The following FARS2 variants were observed in gnomAD, a reference collection of about 807,000 sequenced individuals.
The protein encoded by FARS2 is phenylalanyl-tRNA synthetase 2, mitochondrial.
Under a neutral mutation model 46.4 loss-of-function variants are expected in FARS2, and 40 were observed. The ratio of observed to expected loss-of-function variants is 0.86; its 90% CI spans 0.67 to 1.12. The LOEUF is 1.12. FARS2 is among the 50% of genes most tolerant of loss of function. The pLI, the probability that FARS2 is intolerant of heterozygous loss-of-function variation, is 0.00. For synonymous variants in FARS2, 234 were observed against 214.9 expected (o/e 1.09, Z -0.78); for missense variants, 513 against 567.9 (o/e 0.90, Z 0.98).
intron 1 of FARS2, among the ~76,000 whole-genome samples, chr6:5,318,521 T>G (rs1769725615): frequency 2.0e-5 from 3 of 152,094 alleles, no homozygotes; most frequent in Admixed American, 2.0e-4. Context: ...TCTCACTATG[T>G]TACCAGCTGA....
intron 6 of FARS2, chr6:5,665,058 GT>G (rs1424607106): frequency 1.3e-5 from 2 of 152,226 alleles, no homozygotes; most frequent in Non-Finnish European, 2.9e-5. Flanking sequence ...GTTATCAAAG[GT>G]TGATTTCAGC....
At chr6:5,353,252 A>G (rs1464301434) in intron 1 of FARS2, among the ~76,000 whole-genome samples, 2 of 152,234 alleles carry the variant, frequency 1.3e-5, no homozygotes, top group African/African-American at 4.8e-5. Context: ...TTATGGCTGA[A>G]TAGTATTTCA....
At chr6:5,506,607 C>T (rs151191800) in intron 4 of FARS2, among the ~76,000 whole-genome samples, 29 of 152,274 alleles carry the variant, frequency 1.9e-4, no homozygotes, top group African/African-American at 7.0e-4. Context: ...AGATTCCAGA[C>T]GGGTATCACT....
rs375968832 is a variant in FARS2, at chr6:5,374,958, C to T, written c.612+5776C>T. 3.7e-4 allele frequency among the ~76,000 whole-genome samples: 56 copies of T among 152,072 alleles called. No homozygotes were observed. In the South Asian group the frequency reaches 9.1e-3, roughly 25 times the overall value. ...CTTCCTTGACTTTACAAATGAAATC[C>T]ATGAAGCTCTTACAGCAAACATAAT... On this transcript the variant is annotated intron_variant, in intron 2 of 6. Transcript: ENST00000274680.
intron 4 of FARS2, among the ~76,000 whole-genome samples, chr6:5,539,000 C>T (rs903380074): frequency 2.0e-5 from 3 of 151,956 alleles, no homozygotes; most frequent in African/African-American, 7.3e-5. Flanking sequence ...TTTTATGTGC[C>T]CGCGGGAATG....
At chr6:5,256,618 G>T (rs1167425669), upstream of FARS2, among the ~76,000 whole-genome samples, 1 of 147,652 alleles carries the variant, frequency 6.8e-6, no homozygotes, top group Non-Finnish European at 1.5e-5. Flanking sequence ...TAAAGAAACT[G>T]CAGAACAGAG....
intron 6 of FARS2, among the ~76,000 whole-genome samples, chr6:5,689,909 ATAGT>A (rs1372987954): frequency 1.3e-5 from 2 of 152,070 alleles, no homozygotes; most frequent in Non-Finnish European, 2.9e-5. Context: ...TATATTTAGG[ATAGT>A]TAGCTCTTCT....
intron 1 of FARS2, among the ~76,000 whole-genome samples, chr6:5,298,766 T>C (rs1768072444): frequency 6.7e-6 from 1 of 150,120 alleles, no homozygotes; most frequent in Non-Finnish European, 1.5e-5. Flanking sequence ...AGATTTTTAC[T>C]GTCAAAAAAT....
intron 4 of FARS2, among the ~76,000 whole-genome samples, chr6:5,500,028 C>A (rs1267747607): frequency 6.6e-6 from 1 of 152,148 alleles, no homozygotes; most frequent in East Asian, 1.9e-4. Flanking sequence ...GCTGAGGTAG[C>A]AATTCTAGGG....
chr6:5,328,517 C>T (rs1770559436), intron 1 of FARS2, among the ~76,000 whole-genome samples: 1 of 152,200 alleles, frequency 6.6e-6, no homozygotes, highest in South Asian at 2.1e-4. Context: ...CTCTGTGCCC[C>T]TGAGCTCCCA....
intron 2 of FARS2, among the ~76,000 whole-genome samples, chr6:5,372,143 A>AC (rs1759100343): frequency 6.6e-6 from 1 of 152,158 alleles, no homozygotes; most frequent in African/African-American, 2.4e-5. Flanking sequence ...TAGGCTTAGT[A>AC]CATAAAGCAA....
At chr6:5,464,654 C>T (rs554425914) in intron 4 of FARS2, among the ~76,000 whole-genome samples, 38 of 152,242 alleles carry the variant, frequency 2.5e-4, no homozygotes, top group Non-Finnish European at 3.4e-4. Flanking sequence ...TTTATAAGCT[C>T]GTATAGTACT....
intron 4 of FARS2, among the ~76,000 whole-genome samples, chr6:5,534,568 A>G (rs1770068144): frequency 6.6e-6 from 1 of 152,176 alleles, no homozygotes; most frequent in Non-Finnish European, 1.5e-5. Flanking sequence ...AGGTTCATCC[A>G]TGCTGTAGCA....
intron 4 of FARS2, among the ~76,000 whole-genome samples, chr6:5,469,830 G>A (rs1196982225): frequency 6.6e-6 from 1 of 152,132 alleles, no homozygotes; most frequent in Non-Finnish European, 1.5e-5. Context: ...TAGTTTAATG[G>A]CTTACTTTGT....
At position 5,370,357 on chromosome 6, in the gene FARS2, G is replaced by C. The variant is rs1044055865; in HGVS notation, c.612+1175G>C. On this transcript the variant is annotated intron_variant, in intron 2 of 6. Transcript: ENST00000274680. ...AAGGCCATCCGTGCTGGATCTCGGGGGATCTCAAATGAGCATTCTCACTAC... is the reference window on the plus strand; with the variant it reads ...AAGGCCATCCGTGCTGGATCTCGGGCGATCTCAAATGAGCATTCTCACTAC... Among the ~76,000 whole-genome samples, 8 of 151,844 alleles carry C rather than the reference G, an allele frequency of 5.3e-5. No individual in the cohort carries two copies. The East Asian group carries it at 1.5e-3, about 29-fold the overall frequency.
At chr6:5,624,260 G>T (rs550276674) in intron 6 of FARS2, among the ~76,000 whole-genome samples, 2 of 152,162 alleles carry the variant, frequency 1.3e-5, no homozygotes, top group Non-Finnish European at 2.9e-5. Context: ...TACGATGGGT[G>T]CATCTCATTC....
At chr6:5,373,072 A>C (rs1217245683) in intron 2 of FARS2, among the ~76,000 whole-genome samples, 2 of 152,282 alleles carry the variant, frequency 1.3e-5, no homozygotes, top group Non-Finnish European at 2.9e-5. Flanking sequence ...TCACAAATGC[A>C]TGGGAAGTCA....
intron 4 of FARS2, among the ~76,000 whole-genome samples, chr6:5,464,774 T>C (rs944765496): frequency 3.3e-5 from 5 of 152,138 alleles, no homozygotes; most frequent in Admixed American, 6.5e-5. Flanking sequence ...GAGAAAAGTA[T>C]CTCTTACAGG....
At chr6:5,522,946 T>G (rs1010990884) in intron 4 of FARS2, among the ~76,000 whole-genome samples, 1 of 152,168 alleles carries the variant, frequency 6.6e-6, no homozygotes, top group Non-Finnish European at 1.5e-5. Context: ...AGATATGGGA[T>G]CGAACGAAAT....
Sources: allele counts gnomAD v4.1 joint callset (sites outside exome capture counted in the v4.1 genomes callset), GRCh38; gene constraint gnomAD v4.1.1; transcripts MANE v1.5; gene names NCBI Gene and HGNC (gene_info 2026-07-23, HGNC 2026-07-21).